SYNPR: variants seen among roughly 807,000 people sequenced by gnomAD.
SYNPR encodes the protein synaptoporin.
Under a neutral mutation model 32.9 loss-of-function variants are expected in SYNPR, and 23 were observed. The observed-to-expected ratio is 0.70, with a 90% CI of 0.50 to 0.99. SYNPR has a LOEUF of 0.99. SYNPR is among the 50% of genes least tolerant of loss of function. SYNPR has a pLI of 0.00. For missense variants in SYNPR, 318 were observed against 349.3 expected (o/e 0.91, Z 0.71); for synonymous variants, 146 against 135.9 (o/e 1.07, Z -0.52).
chr3:63,333,667 C>A (rs2087254185), intron 2 of SYNPR, among the ~76,000 whole-genome samples: 6 of 152,110 alleles, frequency 3.9e-5, no homozygotes, highest in Admixed American at 2.6e-4. Flanking sequence ...ATCCTCTCAC[C>A]TTGGCTTTCC....
chr3:63,331,247 G>A (rs2106983576), intron 2 of SYNPR, among the ~76,000 whole-genome samples: 1 of 152,248 alleles, frequency 6.6e-6, no homozygotes, highest in South Asian at 2.1e-4. Flanking sequence ...AGGTGAAAAT[G>A]AAACCTATTG....
At chr3:63,580,319 G>A (rs532828003) in intron 4 of SYNPR, among the ~76,000 whole-genome samples, 1 of 152,254 alleles carries the variant, frequency 6.6e-6, no homozygotes, top group South Asian at 2.1e-4. Context: ...GTGCCCTGGG[G>A]CAAATAAAAA....
intron 2 of SYNPR, among the ~76,000 whole-genome samples, chr3:63,309,410 G>C (rs1243148066): frequency 2.6e-5 from 4 of 151,952 alleles, no homozygotes; most frequent in Non-Finnish European, 5.9e-5. Flanking sequence ...CAGATACTTT[G>C]ATTTTTACCT....
intron 3 of SYNPR, among the ~76,000 whole-genome samples, chr3:63,500,946 C>A (rs1701465041): frequency 6.6e-6 from 1 of 152,080 alleles, no homozygotes; most frequent in Non-Finnish European, 1.5e-5. Context: ...TCTCTCTGAA[C>A]CTATTTTCTA....
intron 2 of SYNPR, among the ~76,000 whole-genome samples, chr3:63,293,677 G>C (rs1369590232): frequency 2.0e-5 from 3 of 152,114 alleles, no homozygotes; most frequent in African/African-American, 7.2e-5. Context: ...GGGAGAATTT[G>C]TTTCATGCCT....
At chr3:63,271,808 A>C (rs1322807061) in intron 3 of SYNPR, among the ~76,000 whole-genome samples, 1 of 152,076 alleles carries the variant, frequency 6.6e-6, no homozygotes, top group South Asian at 2.1e-4. Flanking sequence ...ATCTATATAT[A>C]TCTATATATT....
intron 2 of SYNPR, among the ~76,000 whole-genome samples, chr3:63,404,149 C>T (rs1335862383): frequency 2.0e-5 from 3 of 152,072 alleles, no homozygotes; most frequent in Admixed American, 1.3e-4. Flanking sequence ...ATGGTTTGTC[C>T]AGCTGTAGAT....
intron 3 of SYNPR, among the ~76,000 whole-genome samples, chr3:63,520,229 C>T (rs995110773): frequency 1.3e-5 from 2 of 152,110 alleles, no homozygotes; most frequent in Non-Finnish European, 2.9e-5. Flanking sequence ...ATAAACAATG[C>T]TGCAATGATA....
At chr3:63,568,218 C>T (rs530696870) in intron 4 of SYNPR, among the ~76,000 whole-genome samples, 4 of 152,284 alleles carry the variant, frequency 2.6e-5, no homozygotes, top group African/African-American at 9.6e-5. Context: ...ACCATTAAGG[C>T]ACTTATTGTT....
intron 2 of SYNPR, among the ~76,000 whole-genome samples, chr3:63,286,882 G>A (rs530466636): frequency 6.6e-6 from 1 of 152,152 alleles, no homozygotes; most frequent in African/African-American, 2.4e-5. Context: ...TAAAGTAAAT[G>A]ATAATTGTGA....
At chr3:63,528,739 C>T (rs1209799733) in intron 3 of SYNPR, among the ~76,000 whole-genome samples, 1 of 152,092 alleles carries the variant, frequency 6.6e-6, no homozygotes, top group Non-Finnish European at 1.5e-5. Flanking sequence ...AAGCACCACT[C>T]AGCACTGATG....
chr3:63,583,618 G>A (rs1436970939), intron 4 of SYNPR, among the ~76,000 whole-genome samples: 1 of 152,000 alleles, frequency 6.6e-6, no homozygotes. Context: ...GCTTGGAACT[G>A]CCCTAATAAA....
At chr3:63,581,419 G>T (rs1410101724) in intron 4 of SYNPR, among the ~76,000 whole-genome samples, 2 of 152,152 alleles carry the variant, frequency 1.3e-5, no homozygotes, top group Non-Finnish European at 2.9e-5. Flanking sequence ...AGATTGCATT[G>T]TATAGTCATC....
At chr3:63,537,435 C>G (rs1247793241) in intron 3 of SYNPR, among the ~76,000 whole-genome samples, 1 of 152,090 alleles carries the variant, frequency 6.6e-6, no homozygotes, top group African/African-American at 2.4e-5. Flanking sequence ...CCAGCTGAAC[C>G]ATACAGACAT....
At chr3:63,552,910 A>G (rs1263858562) in intron 3 of SYNPR, among the ~76,000 whole-genome samples, 2 of 152,198 alleles carry the variant, frequency 1.3e-5, no homozygotes, top group African/African-American at 4.8e-5. Flanking sequence ...TCCCATTATT[A>G]TGTTATTAAC....
chr3:63,271,872 TCC>T (rs1468955751), intron 3 of SYNPR, among the ~76,000 whole-genome samples: 1 of 151,988 alleles, frequency 6.6e-6, no homozygotes, highest in African/African-American at 2.4e-5. Context: ...TATCCGTACA[TCC>T]CCCAAAAGAA....
At chr3:63,602,015 T>A (rs139110881) in intron 4 of SYNPR, among the ~76,000 whole-genome samples, 389 of 151,596 alleles carry the variant, frequency 2.6e-3, no homozygotes, top group Admixed American at 4.7e-3. Context: ...TTGTTTTGTT[T>A]TTACTTTTTA....
At chr3:63,454,412 T>C (rs149812930) in intron 2 of SYNPR, among the ~76,000 whole-genome samples, 1 of 152,192 alleles carries the variant, frequency 6.6e-6, no homozygotes, top group African/African-American at 2.4e-5. Flanking sequence ...ACACCACTTC[T>C]TCTGCTTCCC....
intron 4 of SYNPR, among the ~76,000 whole-genome samples, chr3:63,595,823 ATATATATAGT>A (rs1462313375): frequency 2.9e-5 from 2 of 68,810 alleles, no homozygotes; most frequent in African/African-American, 6.4e-5. Context: ...ATAGTTTTAT[ATATATATAGT>A]TATATATATA....
Sources: allele counts gnomAD v4.1 joint callset (sites outside exome capture counted in the v4.1 genomes callset), GRCh38; gene constraint gnomAD v4.1.1; transcripts MANE v1.5; gene names NCBI Gene and HGNC (gene_info 2026-07-23, HGNC 2026-07-21).